The following AGO3 variants were observed in gnomAD, a reference collection of about 807,000 sequenced individuals.
AGO3 encodes protein argonaute-3.
In AGO3, 16 loss-of-function variants were observed where a neutral mutation model predicts 105.5. The ratio of observed to expected loss-of-function variants is 0.15; its 90% CI spans 0.10 to 0.23. The LOEUF (loss-of-function observed/expected upper bound fraction) is 0.23. Among genes scored for constraint, AGO3 ranks in the 10% least tolerant of loss-of-function variants. AGO3 has a pLI of 1.00. For synonymous variants in AGO3, 340 were observed against 367.3 expected, an observed-to-expected ratio of 0.93 and a Z score of 0.85; for missense variants, 534 against 1,088.0, an observed-to-expected ratio of 0.49 and a Z score of 7.16.
At chr1:35,936,169 G>A (rs967546185) in intron 1 of AGO3, among the ~76,000 whole-genome samples, 2 of 151,990 alleles carry the variant, frequency 1.3e-5, no homozygotes, top group African/African-American at 2.4e-5. Context: ...TAGGATACAT[G>A]AACAGCCTTT....
At chr1:35,962,144 A>G (rs917933251) in intron 2 of AGO3, among the ~76,000 whole-genome samples, 3 of 152,242 alleles carry the variant, frequency 2.0e-5, no homozygotes, top group Admixed American at 1.3e-4. Context: ...TTTCCTTTCC[A>G]TATGGTATTG....
At chr1:36,014,416 C>T (rs576459283) in intron 11 of AGO3, among the ~76,000 whole-genome samples, 2 of 151,902 alleles carry the variant, frequency 1.3e-5, no homozygotes, top group South Asian at 2.1e-4. Flanking sequence ...CCTTGGCCCC[C>T]CAAGGTGCTG....
chr1:35,971,993 A>G, intron 3 of AGO3, 31 bp from the exon 4 acceptor site: 6 of 1,578,012 alleles, frequency 3.8e-6, no homozygotes, highest in Non-Finnish European at 5.2e-6. Flanking sequence ...CTTTTTCAAC[A>G]TTTACCAGTT....
rs536662427 is a variant in AGO3, at chr1:36,027,938, T to A, written c.1591+640T>A. Among the ~76,000 whole-genome samples, 145 of 152,352 alleles carry A rather than the reference T, an allele frequency of 9.5e-4. 1 individual carries two copies. The highest frequency in any genetic ancestry group is 3.4e-3 in the African/African-American group (140 of 41,580). ...TCAAATTAAACTGTGTTGCTCAATATTCAGGTACTGCCGGTTCTACTACCT... is the reference window on the plus strand; with the variant it reads ...TCAAATTAAACTGTGTTGCTCAATAATCAGGTACTGCCGGTTCTACTACCT... On this transcript the variant is annotated intron_variant, in intron 12 of 18. Coordinates refer to ENST00000373191, the MANE Select transcript of AGO3 (RefSeq NM_024852.4). This position sits in a 1 kb window ranked among gnomAD's most constrained non-coding sequence, Gnocchi z 4.0.
chr1:36,040,008 G>A, intron 15 of AGO3, 24 bp downstream of exon 15: 1 of 1,582,822 alleles, frequency 6.3e-7, no homozygotes, highest in Non-Finnish European at 8.6e-7. Flanking sequence ...AATCTCATCA[G>A]ACTATGGTGA....
intron 9 of AGO3, 87 bp downstream of exon 9, chr1:36,009,681 C>T: frequency 7.6e-7 from 1 of 1,307,852 alleles, no homozygotes; most frequent in Non-Finnish European, 1.0e-6. Flanking sequence ...CAACCCATAC[C>T]TTATGACCAT....
At chr1:35,966,850 T>C (rs1646784022) in intron 2 of AGO3, 105 bp from the exon 3 acceptor site, 3 of 1,273,270 alleles carry the variant, frequency 2.4e-6, no homozygotes, top group Non-Finnish European at 3.1e-6. Flanking sequence ...ATGAATATTT[T>C]TTAGAATTTT....
intron 11 of AGO3, among the ~76,000 whole-genome samples, chr1:36,018,452 T>C (rs552012549): frequency 3.3e-5 from 5 of 152,210 alleles, no homozygotes; most frequent in African/African-American, 9.6e-5. Flanking sequence ...TTTTGTTTTT[T>C]GGTTTTTGTT....
intron 2 of AGO3, among the ~76,000 whole-genome samples, chr1:35,960,078 TATC>T (rs1646646690): frequency 6.6e-6 from 1 of 152,084 alleles, no homozygotes; most frequent in African/African-American, 2.4e-5. Flanking sequence ...GTACTTATAT[TATC>T]ATATATTTTA....
intron 5 of AGO3, among the ~76,000 whole-genome samples, chr1:35,993,924 T>C (rs1451357109): frequency 6.6e-6 from 1 of 151,380 alleles, no homozygotes; most frequent in Non-Finnish European, 1.5e-5. Flanking sequence ...ATTTTTGTTT[T>C]TAGTAGAGAC....
In AGO3 at chr1:36,023,015, G is replaced by C. The variant is rs274734; in HGVS notation, c.1407-4099G>C. ...TCTCTGTGAATTTCCAAAAGCCAAAGTTCACACCTTCTTATTTGCCATTAA... is the reference window on the plus strand; with the variant it reads ...TCTCTGTGAATTTCCAAAAGCCAAACTTCACACCTTCTTATTTGCCATTAA... On this transcript the variant is annotated intron_variant, in intron 11 of 18. Coordinates refer to ENST00000373191, the MANE Select transcript of AGO3 (RefSeq NM_024852.4). Among the ~76,000 whole-genome samples the C allele has an allele frequency of 8.2e-3, 1,244 of 151,706 alleles. 19 individuals carry two copies. Among genetic ancestry groups the C allele is most frequent in the African/African-American group, 0.028 (1,138 of 41,282 alleles).
In AGO3 at chr1:36,055,580, A is replaced by G. The variant is rs973095751; in HGVS notation, c.2475-57A>G. 4 of 1,495,624 alleles carry G rather than the reference A, an allele frequency of 2.7e-6. No individual in the cohort carries two copies. The highest frequency in any genetic ancestry group is 1.4e-5 in the African/African-American group (1 of 72,104). 92.6% of individuals were successfully genotyped at this position (1,495,624 alleles called of 1,614,324 possible). ...TTCTACAACAAATAGTATTTTTCGG[A>G]ATTATTACATCAGAATAGAAAGTTT... On this transcript the variant is annotated intron_variant, in intron 18 of 18. Coordinates refer to ENST00000373191, the MANE Select transcript of AGO3 (RefSeq NM_024852.4). The surrounding 1 kb of genome is among the most constrained non-coding windows in gnomAD (Gnocchi z 4.4).
chr1:35,947,682 C>G (rs1646392341), intron 2 of AGO3, among the ~76,000 whole-genome samples: 3 of 152,022 alleles, frequency 2.0e-5, no homozygotes, highest in African/African-American at 7.2e-5. Context: ...TTTTCAGTGC[C>G]GTACTCTTAT....
chr1:35,931,474 G>T (rs1217536069), intron 1 of AGO3, 29 bp downstream of exon 1: 1 of 1,477,030 alleles, frequency 6.8e-7, no homozygotes, highest in South Asian at 1.4e-5. Context: ...GCCAGGTAGG[G>T]GATGTCACCC....
Position 35,997,015 on chromosome 1 carries a change from C to T in AGO3, c.659-7326C>T, listed in dbSNP as rs144954530. Among the ~76,000 whole-genome samples, 120 of 152,308 alleles carry T rather than the reference C, an allele frequency of 7.9e-4. 2 individuals carry two copies. The East Asian group carries it at 0.022, about 28-fold the overall frequency. ...TTTGGCGGCCAGACGCAGTGGCTCT[C>T]GCCTGTGATCTCAGCACTTTGGGGT... On this transcript the variant is annotated intron_variant, in intron 5 of 18. Coordinates refer to ENST00000373191, the MANE Select transcript of AGO3 (RefSeq NM_024852.4).
intron 1 of AGO3, among the ~76,000 whole-genome samples, chr1:35,936,842 G>A (rs1164520141): frequency 6.6e-6 from 1 of 152,120 alleles, no homozygotes; most frequent in Non-Finnish European, 1.5e-5. Context: ...AAAATGCTGG[G>A]ATTGCAGGAG....
chr1:35,951,704 A>T (rs1646472676), intron 2 of AGO3, among the ~76,000 whole-genome samples: 1 of 152,196 alleles, frequency 6.6e-6, no homozygotes, highest in Admixed American at 6.5e-5. Context: ...ATTGAATTTT[A>T]GAAAGAAAAA....
At chr1:35,942,335 A>G (rs1417047802) in intron 1 of AGO3, among the ~76,000 whole-genome samples, 1 of 152,222 alleles carries the variant, frequency 6.6e-6, no homozygotes, top group African/African-American at 2.4e-5. Flanking sequence ...GAATTAGATT[A>G]GCTTATGATT....
intron 8 of AGO3, 70 bp from the exon 9 acceptor site, chr1:36,009,405 A>G: frequency 1.4e-6 from 2 of 1,478,632 alleles, no homozygotes; most frequent in Non-Finnish European, 1.8e-6. Flanking sequence ...ATTTACATGT[A>G]ATTGGCACTA....
Sources: allele counts gnomAD v4.1 joint callset (sites outside exome capture counted in the v4.1 genomes callset), GRCh38; gene constraint gnomAD v4.1.1; non-coding constraint Gnocchi (gnomAD v3.1); transcripts MANE v1.5; gene names NCBI Gene and HGNC (gene_info 2026-07-23, HGNC 2026-07-21).